ABR: variants seen among roughly 807,000 people sequenced by gnomAD.
The protein encoded by ABR is active breakpoint cluster region-related protein.
In ABR, 35 loss-of-function variants were observed where a neutral mutation model predicts 107.2. That is an observed-to-expected ratio of 0.33 (90% CI 0.25 to 0.43). ABR has a LOEUF of 0.43. ABR is among the 20% of genes least tolerant of loss of function. ABR has a pLI of 1.00. For synonymous variants in ABR, 498 were observed against 462.0 expected (o/e 1.08, Z -1.00); for missense variants, 815 against 1,115.2 (o/e 0.73, Z 3.83).
rs2042657153 is a variant in ABR at position 1,200,784 on chromosome 17, C to G, written c.838+28009G>C. On this transcript the variant is annotated intron_variant, in intron 1 of 22. Coordinates refer to the ABR transcript ENST00000574139. The surrounding 1 kb of genome is among the most constrained non-coding windows in gnomAD (Gnocchi z 4.1). ...TACTTCGGGGAGACAGGAACATGACCTGGGTTATCAGCACCGTCCAGGGAC... is the reference window on the plus strand; with the variant it reads ...TACTTCGGGGAGACAGGAACATGACGTGGGTTATCAGCACCGTCCAGGGAC... Among the ~76,000 whole-genome samples, 1 of 152,180 alleles carries G rather than the reference C, an allele frequency of 6.6e-6. No individual in the cohort carries two copies. The highest frequency in any genetic ancestry group is 2.4e-5 in the African/African-American group (1 of 41,442).
At chr17:1,012,046 C>A in intron 18 of ABR, 61 bp from the exon 19 acceptor site, 3 of 1,604,460 alleles carry the variant, frequency 1.9e-6, no homozygotes, top group South Asian at 1.1e-5. Flanking sequence ...CCGTAGCAAC[C>A]CCCACCCAGC....
Position 1,009,556 on chromosome 17 carries a change from G to A in ABR, c.2342+123C>T. The A allele has an allele frequency of 1.4e-5, 11 of 772,690 alleles. No individual in the cohort carries two copies. In the South Asian group the frequency reaches 1.6e-4, roughly 11 times the overall value. The allele number at this position is 772,690 out of a possible 1,614,324, so 47.9% of individuals were successfully genotyped here. On this transcript the variant is annotated intron_variant, in intron 21 of 22. Coordinates refer to ENST00000302538, the MANE Select transcript of ABR (RefSeq NM_021962.5). Reference sequence around the variant, plus strand: ...CACGAGGAGGGACTGAGGAGGTGGGGTTGGGGCCACTCCCCGTTACCTTTT... The same window carrying A: ...CACGAGGAGGGACTGAGGAGGTGGGATTGGGGCCACTCCCCGTTACCTTTT...
chr17:1,173,447 C>T (rs2041820277), intron 1 of ABR, among the ~76,000 whole-genome samples: 1 of 150,830 alleles, frequency 6.6e-6, no homozygotes, highest in Non-Finnish European at 1.5e-5. Flanking sequence ...GTCTTGAAGC[C>T]GCCTGCCCTA....
At chr17:1,030,022 GCCAC>G (rs151182787) in intron 16 of ABR, among the ~76,000 whole-genome samples, 4,952 of 151,510 alleles carry the variant, frequency 0.033, 123 homozygotes, top group Middle Eastern at 0.051. Context: ...CAGGGCCGGG[GCCAC>G]CCTGAGCTGC....
rs1364410113 is a variant in ABR, at chr17:1,011,020, C to T, written c.2102-157G>A. ...AGAGGGCCCACAGGTGTCTGTGACT[C>T]GGCTCTGTGGGTCGGGGTTGGGGGA... On this transcript the variant is annotated intron_variant, in intron 19 of 22. Transcript: ENST00000302538. The surrounding 1 kb of genome is among the most constrained non-coding windows in gnomAD (Gnocchi z 4.8). The T allele has an allele frequency of 2.2e-5, 21 of 958,420 alleles. No homozygotes were observed. The highest frequency in any genetic ancestry group is 1.3e-4 in the South Asian group (8 of 63,380). The allele number at this position is 958,420 out of a possible 1,614,324, so 59.4% of individuals were successfully genotyped here.
chr17:1,174,675 G>A (rs942951701), intron 1 of ABR, among the ~76,000 whole-genome samples: 5 of 152,190 alleles, frequency 3.3e-5, no homozygotes, highest in Admixed American at 2.0e-4. Flanking sequence ...AGATGGTCAC[G>A]TTCTGCCTTC....
At chr17:1,137,728 A>T (rs934306181) in intron 1 of ABR, among the ~76,000 whole-genome samples, 1 of 152,218 alleles carries the variant, frequency 6.6e-6, no homozygotes, top group Admixed American at 6.5e-5. Flanking sequence ...AGCATCTTTG[A>T]AGCTCAACTA....
intron 1 of ABR, chr17:1,126,488 G>C (rs549907221): frequency 2.2e-4 from 34 of 152,378 alleles, no homozygotes; most frequent in African/African-American, 8.0e-4. Context: ...GCCAGCGGGA[G>C]CTGGCACCGC....
At chr17:1,058,668 C>T in intron 11 of ABR, 77 bp downstream of exon 11, 1 of 1,559,478 alleles carries the variant, frequency 6.4e-7, no homozygotes. Flanking sequence ...TCGTACAGGT[C>T]AGGGCCAGGA....
chr17:1,100,530 C>T lies in ABR; in HGVS notation c.345+107G>A, dbSNP rs921120495. The T allele has an allele frequency of 5.0e-5, 52 of 1,036,232 alleles. No individual in the cohort carries two copies. The South Asian group carries it at 6.1e-4, about 12-fold the overall frequency. 64.2% of individuals were successfully genotyped at this position (1,036,232 alleles called of 1,614,324 possible). On this transcript the variant is annotated intron_variant, in intron 3 of 22. Coordinates refer to ENST00000302538, the MANE Select transcript of ABR (RefSeq NM_021962.5). ...TGCAGACTCTGTCCACAGGGAGGGA[C>T]GGGTACGGTCCCCTTTCCTCTCCAA...
At chr17:1,127,772 C>T (rs1359658699) in intron 1 of ABR, among the ~76,000 whole-genome samples, 2 of 152,144 alleles carry the variant, frequency 1.3e-5, no homozygotes, top group Admixed American at 6.5e-5. Context: ...CTTGGGAGAT[C>T]GTCCAAGATC....
chr17:1,220,289 T>TA (rs201048012), intron 1 of ABR, among the ~76,000 whole-genome samples: 7,642 of 146,216 alleles, frequency 0.052, 617 homozygotes, highest in African/African-American at 0.18. Flanking sequence ...AGACTCCGTC[T>TA]AAAAAAAAAA....
intron 13 of ABR, among the ~76,000 whole-genome samples, chr17:1,056,551 G>A (rs530025691): frequency 2.8e-4 from 43 of 152,142 alleles, no homozygotes; most frequent in African/African-American, 1.0e-3. Flanking sequence ...ACCCACTCCG[G>A]TCAGTTCCCA....
At chr17:1,124,152 C>T (rs1169471106) in intron 2 of ABR, among the ~76,000 whole-genome samples, 1 of 151,710 alleles carries the variant, frequency 6.6e-6, no homozygotes, top group African/African-American at 2.4e-5. Flanking sequence ...GGTGAGAGCT[C>T]TGTGGGGGGT....
chr17:1,166,578 G>C (rs377521863), intron 1 of ABR, among the ~76,000 whole-genome samples: 1 of 152,336 alleles, frequency 6.6e-6, no homozygotes, highest in East Asian at 1.9e-4. Flanking sequence ...CCCACGTTGT[G>C]CTAAGGAGTT....
chr17:1,084,594 CA>C lies in ABR; in HGVS notation c.532-968del, dbSNP rs1447145116. ...GGGCAGACCCCATCGCCCCTTTCTG[CA>C]AAAGGGGAAACCGAGGCTCCATAAG... On this transcript the variant is annotated intron_variant, in intron 4 of 22. Transcript: ENST00000302538. This position sits in a 1 kb window ranked among gnomAD's most constrained non-coding sequence, Gnocchi z 4.2. Among the ~76,000 whole-genome samples the C allele has an allele frequency of 6.6e-6, 1 of 152,096 alleles. No individual in the cohort carries two copies. Among genetic ancestry groups the C allele is most frequent in the East Asian group, 1.9e-4 (1 of 5,182 alleles).
chr17:1,208,925 G>C (rs974765027), intron 1 of ABR, among the ~76,000 whole-genome samples: 1 of 150,692 alleles, frequency 6.6e-6, no homozygotes, highest in Admixed American at 6.6e-5. Context: ...TGCCTGCCAA[G>C]TCAGTTAAAG....
At chr17:1,053,729 C>A (rs994776546) in intron 14 of ABR, among the ~76,000 whole-genome samples, 8 of 152,084 alleles carry the variant, frequency 5.3e-5, no homozygotes, top group East Asian at 1.9e-4. Context: ...GCAGCTCAGC[C>A]GGCTCTGACA....
chr17:1,046,719 C>T (rs1287766059), intron 16 of ABR, among the ~76,000 whole-genome samples: 4 of 152,208 alleles, frequency 2.6e-5, no homozygotes, highest in African/African-American at 4.8e-5. Flanking sequence ...AGGCCTGAGA[C>T]GTGGGGACAT....
Sources: gnomAD v4.1 joint callset for allele counts (sites outside exome capture counted in the v4.1 genomes callset) on GRCh38, gnomAD v4.1.1 for gene constraint, Gnocchi (gnomAD v3.1) non-coding constraint, MANE v1.5 for transcripts, NCBI Gene and HGNC (gene_info 2026-07-23, HGNC 2026-07-21) for gene names.